ALDH2: variants seen among roughly 807,000 people sequenced by gnomAD.
ALDH2 encodes aldehyde dehydrogenase 2 family member.
In ALDH2, 44 loss-of-function variants were observed where a neutral mutation model predicts 59.6. The ratio of observed to expected loss-of-function variants is 0.74; its 90% CI spans 0.58 to 0.95. The LOEUF (loss-of-function observed/expected upper bound fraction) is 0.95, where lower values mean the gene tolerates loss of function less well. ALDH2 is among the 40% of genes least tolerant of loss of function. The pLI is 0.00. For missense variants in ALDH2, 570 were observed against 696.3 expected (o/e 0.82, Z 2.04); for synonymous variants, 291 against 284.0 (o/e 1.02, Z -0.25).
chr12:111,782,051 G>C (rs1375322338), intron 2 of ALDH2, 29 bp downstream of exon 2: 1 of 1,542,700 alleles, frequency 6.5e-7, no homozygotes, highest in Non-Finnish European at 9.0e-7. Flanking sequence ...CCTTGGGGGA[G>C]GGATGGATTC....
At chr12:111,809,207 A>T (rs2068518019) in intron 12 of ALDH2, among the ~76,000 whole-genome samples, 1 of 152,142 alleles carries the variant, frequency 6.6e-6, no homozygotes, top group Admixed American at 6.6e-5. Flanking sequence ...TAATCTTAGC[A>T]CTTTGGGAGG....
Position 111,809,912 on chromosome 12 carries a change from C to A in ALDH2, c.*337C>A. On this transcript the variant is annotated 3_prime_UTR_variant, in exon 13 of 13. Coordinates refer to ENST00000261733, the MANE Select transcript of ALDH2 (RefSeq NM_000690.4). ...AAGCTATTGTTTACAATTATATCAC[C>A]ATTAAGGCAACTGCTACACCCTGCT... The A allele has an allele frequency of 2.5e-6, 1 of 394,696 alleles. No homozygotes were observed. Among genetic ancestry groups the A allele is most frequent in the Non-Finnish European group, 4.6e-6 (1 of 215,074 alleles). The allele number at this position is 394,696 out of a possible 1,614,324, so 24.4% of individuals were successfully genotyped here. A position where few individuals can be genotyped will look rare whatever the true frequency, so the allele number is the denominator to read the frequency against.
chr12:111,795,571 C>T (rs1319131108), intron 9 of ALDH2, among the ~76,000 whole-genome samples: 1 of 151,220 alleles, frequency 6.6e-6, no homozygotes, highest in South Asian at 2.1e-4. Context: ...GTGTGAGCCA[C>T]CGCACCTGTC....
rs760707857 is a variant in ALDH2, at chr12:111,778,718, C to T, written c.115-3200C>T. Among the ~76,000 whole-genome samples, 5 of 151,792 alleles carry T rather than the reference C, an allele frequency of 3.3e-5. No individual in the cohort carries two copies. The South Asian group carries it at 1.0e-3, about 32-fold the overall frequency. ...GCATGGTGGCAGGCGCCTATAGTCC[C>T]AGCTACTTGGGAGGCTGAGGCAGGA... On this transcript the variant is annotated intron_variant, in intron 1 of 12. Transcript: ENST00000261733.
intron 12 of ALDH2, among the ~76,000 whole-genome samples, chr12:111,809,169 A>G (rs1298104232): frequency 6.6e-6 from 1 of 152,196 alleles, no homozygotes; most frequent in Admixed American, 6.5e-5. Flanking sequence ...AATCATAGTT[A>G]CAGGCCACGT....
intron 1 of ALDH2, among the ~76,000 whole-genome samples, chr12:111,771,213 T>G (rs941435599): frequency 9.2e-5 from 14 of 151,906 alleles, no homozygotes; most frequent in African/African-American, 3.4e-4. Flanking sequence ...CTGGGCAACA[T>G]AGCAAAACTC....
chr12:111,781,719 G>A (rs1273411977), intron 1 of ALDH2, among the ~76,000 whole-genome samples, 199 bp from the exon 2 acceptor site: 1 of 152,190 alleles, frequency 6.6e-6, no homozygotes, highest in Non-Finnish European at 1.5e-5. Context: ...GAGAAGTCAA[G>A]TGACTTACCC....
Position 111,809,908 on chromosome 12 carries a change from T to C in ALDH2, c.*333T>C. 1 of 408,262 alleles carries C rather than the reference T, an allele frequency of 2.4e-6. No individual in the cohort carries two copies. Among genetic ancestry groups the C allele is most frequent in the Non-Finnish European group, 4.5e-6 (1 of 222,846 alleles). 25.3% of individuals were successfully genotyped at this position (408,262 alleles called of 1,614,324 possible). On this transcript the variant is annotated 3_prime_UTR_variant, in exon 13 of 13. Coordinates refer to ENST00000261733, the MANE Select transcript of ALDH2 (RefSeq NM_000690.4). ...GAAAAAGCTATTGTTTACAATTATA[T>C]CACCATTAAGGCAACTGCTACACCC...
rs1381391323 is a variant in ALDH2, at chr12:111,790,048, A to C, written c.552+114A>C. On this transcript the variant is annotated intron_variant, in intron 5 of 12. Transcript: ENST00000261733. ...GAAGGCAGCCTGGGTGGCAGGTAAG[A>C]AGATGGGCTCTGACAAAGCCAATCC... 3.2e-6 allele frequency: 3 copies of C among 935,710 alleles called. No individual in the cohort carries two copies. In the African/African-American group the frequency reaches 4.9e-5, roughly 15 times the overall value. The allele number at this position is 935,710 out of a possible 1,614,324, so 58.0% of individuals were successfully genotyped here.
chr12:111,770,835 T>G (rs2068193801), intron 1 of ALDH2, among the ~76,000 whole-genome samples: 1 of 152,016 alleles, frequency 6.6e-6, no homozygotes. Context: ...TTAGTAGAGA[T>G]GAGGTTTCGC....
At position 111,804,072 on chromosome 12, in the gene ALDH2, G is replaced by A. The variant is rs917600157; in HGVS notation, c.1521+99G>A. On this transcript the variant is annotated intron_variant, in intron 12 of 12. Transcript: ENST00000261733. The stretch of plus-strand genomic sequence containing the variant: ...GGGGATTGGGGTCTGTTGGGGGCTC[G>A]GGGCCTGCCAGAGGTTCAGGACCTG... The A allele has an allele frequency of 3.2e-4, 244 of 769,322 alleles. 1 individual carries two copies. The highest frequency in any genetic ancestry group is 4.6e-4 in the Non-Finnish European group (226 of 495,746). The allele number at this position is 769,322 out of a possible 1,614,324, so 47.7% of individuals were successfully genotyped here.
chr12:111,774,498 G>A (rs371173086), intron 1 of ALDH2, among the ~76,000 whole-genome samples: 1 of 152,256 alleles, frequency 6.6e-6, no homozygotes, highest in Admixed American at 6.5e-5. Context: ...GGGAAAATAC[G>A]GTGTTCCAGG....
intron 1 of ALDH2, chr12:111,775,510 T>C (rs2068228448): frequency 2.6e-6 from 1 of 378,200 alleles, no homozygotes; most frequent in Admixed American, 3.0e-5. Context: ...CGTGGGTGAA[T>C]GAATCCAATT....
Position 111,799,725 on chromosome 12 carries a change from CCT to C in ALDH2, c.1249-180_1249-179del, listed in dbSNP as rs941125564. 9.4e-6 allele frequency: 6 copies of C among 638,256 alleles called. No individual in the cohort carries two copies. The Admixed American group carries it at 1.9e-4, about 20-fold the overall frequency. 39.5% of individuals were successfully genotyped at this position (638,256 alleles called of 1,614,324 possible). A position where few individuals can be genotyped will look rare whatever the true frequency, so the allele number is the denominator to read the frequency against. ...CGGGGCGCACAGGAGGAAGTTGGCC[CCT>C]GTTAGCTCCATTCCCTCTGTGTTCT... On this transcript the variant is annotated intron_variant, in intron 10 of 12. Coordinates refer to ENST00000261733, the MANE Select transcript of ALDH2 (RefSeq NM_000690.4).
chr12:111,769,322 G>T (rs965853418), intron 1 of ALDH2, among the ~76,000 whole-genome samples: 2 of 152,134 alleles, frequency 1.3e-5, no homozygotes, highest in African/African-American at 4.8e-5. Flanking sequence ...GGATGCCAAG[G>T]TGGGAAGATC....
In ALDH2 at chr12:111,785,592, C is replaced by T. The variant is rs182911882; in HGVS notation, c.440+246C>T. 1.2e-4 allele frequency among the ~76,000 whole-genome samples: 18 copies of T among 152,094 alleles called. 1 individual carries two copies. The East Asian group carries it at 1.9e-3, about 16-fold the overall frequency. On this transcript the variant is annotated intron_variant, in intron 4 of 12. Transcript: ENST00000261733. ...TACAAAAATTAGCTGGGCATGGTGG[C>T]GCACACCTGTAATACCAGCTACTCA...
chr12:111,800,114 C>G (rs1265349393), intron 11 of ALDH2, 51 bp downstream of exon 11: 2 of 1,544,322 alleles, frequency 1.3e-6, no homozygotes, highest in East Asian at 4.7e-5. Context: ...TCCTCAAAGC[C>G]AGGGCCTACT....
chr12:111,783,339 G>A (rs767021356), intron 3 of ALDH2, 41 bp downstream of exon 3: 34 of 1,567,974 alleles, frequency 2.2e-5, no homozygotes, highest in Non-Finnish European at 2.9e-5. Flanking sequence ...CCCATGTGGT[G>A]AATAGGCTCG....
chr12:111,793,650 C>T (rs1342251011), intron 9 of ALDH2, among the ~76,000 whole-genome samples: 1 of 151,700 alleles, frequency 6.6e-6, no homozygotes, highest in Non-Finnish European at 1.5e-5. Flanking sequence ...GGCTGCAGTG[C>T]AGTGGCACGA....
Sources: allele counts gnomAD v4.1 joint callset (sites outside exome capture counted in the v4.1 genomes callset), GRCh38; gene constraint gnomAD v4.1.1; transcripts MANE v1.5; gene names NCBI Gene and HGNC (gene_info 2026-07-23, HGNC 2026-07-21).